MFSD1: variants seen among roughly 807,000 people sequenced by gnomAD.
MFSD1 encodes the protein lysosomal dipeptide transporter MFSD1.
Under a neutral mutation model 67.1 loss-of-function variants are expected in MFSD1, and 59 were observed. The observed-to-expected ratio is 0.88, with a 90% confidence interval of 0.71 to 1.09. MFSD1 has a LOEUF of 1.09. Among genes scored for constraint, MFSD1 ranks in the 50% least tolerant of loss-of-function variants. The pLI is 0.00. For missense variants in MFSD1, 552 were observed against 566.1 expected (o/e 0.97, Z 0.25); for synonymous variants, 213 against 200.3 (o/e 1.06, Z -0.54).
intron 7 of MFSD1, among the ~76,000 whole-genome samples, chr3:158,815,442 C>A (rs570893465): frequency 6.8e-6 from 1 of 148,036 alleles, no homozygotes; most frequent in Non-Finnish European, 1.5e-5. Context: ...GCATTTATTA[C>A]CCTTCCTAAA....
chr3:158,825,649 C>A (rs1730928634), intron 13 of MFSD1, among the ~76,000 whole-genome samples: 1 of 152,156 alleles, frequency 6.6e-6, no homozygotes, highest in Non-Finnish European at 1.5e-5. Context: ...TTGGCTTCCT[C>A]TGAAATGATA....
rs1425172939 is a variant in MFSD1 at position 158,823,464 on chromosome 3, G to A, written c.1114G>A (p.Ala372Thr). Residue 372 changes from alanine (A) to threonine (T), a missense_variant, in exon 12 of 16, where the codon GCA becomes ACA. Physicochemically the swap from Ala to Thr is moderately conservative, Grantham distance 58 (BLOSUM62 0). Coordinates refer to ENST00000415822, the MANE Select transcript of MFSD1 (RefSeq NM_022736.4). The stretch of plus-strand genomic sequence containing the variant: ...ACTCTCCTACTCATTGCTTGCCTGT[G>A]CATTGTGGCCAATGGTGGCATTTGT... Reference protein sequence around the residue: ...LGLSYSLLACALWPMVAFVVP... With the variant: ...LGLSYSLLACTLWPMVAFVVP... The A allele has an allele frequency of 6.2e-7, 1 of 1,613,752 alleles. No individual in the cohort carries two copies. Among genetic ancestry groups the A allele is most frequent in the Non-Finnish European group, 8.5e-7 (1 of 1,179,776 alleles).
In MFSD1 at chr3:158,829,354, G is replaced by GA. The variant is rs112924029; in HGVS notation, c.*381dup. On this transcript the variant is annotated 3_prime_UTR_variant, in exon 16 of 16. Transcript: ENST00000415822. ...CAGCCTTTTCTTTATCTTATAGCAG[G>GA]AAAAAAAAACTTTTGAGGGAAATAG... 3.2e-4 allele frequency: 50 copies of GA among 157,658 alleles called. No individual in the cohort carries two copies. The highest frequency in any genetic ancestry group is 6.5e-4 in the Admixed American group (10 of 15,324). 9.8% of individuals were successfully genotyped at this position (157,658 alleles called of 1,614,324 possible).
chr3:158,814,467 C>T (rs1463681785), intron 7 of MFSD1, among the ~76,000 whole-genome samples: 2 of 151,874 alleles, frequency 1.3e-5, no homozygotes, highest in Admixed American at 6.6e-5. Context: ...ATTACAGGCT[C>T]CTGCCACCAT....
At chr3:158,827,240 A>C (rs1165078066) in intron 14 of MFSD1, 40 bp from the exon 15 acceptor site, 1 of 1,297,284 alleles carries the variant, frequency 7.7e-7, no homozygotes, top group South Asian at 1.4e-5. Flanking sequence ...CTTACTGATA[A>C]TACTTATATG....
At chr3:158,808,307 T>C (rs748742033) in intron 5 of MFSD1, among the ~76,000 whole-genome samples, 4 of 152,176 alleles carry the variant, frequency 2.6e-5, no homozygotes, top group Non-Finnish European at 4.4e-5. Flanking sequence ...GACTGTTTCT[T>C]AGTCCTTAAT....
chr3:158,827,976 G>GAGAGAGACAGAC (rs1553759912), intron 15 of MFSD1, among the ~76,000 whole-genome samples: 15 of 78,892 alleles, frequency 1.9e-4, no homozygotes, highest in East Asian at 4.3e-4. Flanking sequence ...GAGAGAGAGA[G>GAGAGAGACAGAC]AGACAGAGAT....
At chr3:158,802,889 A>G (rs905678622) in intron 1 of MFSD1, among the ~76,000 whole-genome samples, 1 of 152,122 alleles carries the variant, frequency 6.6e-6, no homozygotes, top group African/African-American at 2.4e-5. Context: ...TTATTTTTAG[A>G]CACAGGGTCT....
At chr3:158,809,598 A>G (rs1355478680) in intron 6 of MFSD1, among the ~76,000 whole-genome samples, 1 of 152,172 alleles carries the variant, frequency 6.6e-6, no homozygotes, top group East Asian at 1.9e-4. Context: ...ACCTCTCCAC[A>G]TACGGCTGTC....
At chr3:158,819,220 T>C (rs1390673139) in intron 7 of MFSD1, among the ~76,000 whole-genome samples, 1 of 152,228 alleles carries the variant, frequency 6.6e-6, no homozygotes, top group Non-Finnish European at 1.5e-5. Flanking sequence ...CCGTGGACTC[T>C]GGGAAAACAT....
chr3:158,824,773 A>G (rs1730870384), intron 13 of MFSD1, among the ~76,000 whole-genome samples: 1 of 152,236 alleles, frequency 6.6e-6, no homozygotes, highest in Non-Finnish European at 1.5e-5. Flanking sequence ...TTAACACATC[A>G]AGATGTCTTT....
At position 158,824,008 on chromosome 3, in the gene MFSD1, C is replaced by T. The variant is rs1051600945; in HGVS notation, c.1176-116C>T. On this transcript the variant is annotated intron_variant, in intron 12 of 15. Transcript: ENST00000415822. ...TAATCAAGTCATCCCTGGTGGAAAA[C>T]ATCTCTGAACACAAATAGTATATGG... The T allele has an allele frequency of 2.5e-5, 20 of 786,768 alleles. No homozygotes were observed. In the East Asian group the frequency reaches 4.9e-4, roughly 19 times the overall value. 48.7% of individuals were successfully genotyped at this position (786,768 alleles called of 1,614,324 possible). A position where few individuals can be genotyped will look rare whatever the true frequency, so the allele number is the denominator to read the frequency against.
chr3:158,822,124 A>ACC lies in MFSD1; in HGVS notation c.1063_1064dup (p.Trp356LeufsTer26). On this transcript the variant is annotated frameshift_variant, in exon 11 of 16. Transcript: ENST00000415822. LOFTEE classifies it high-confidence loss of function. ...ATGATGCTGGCCTTTACGATGTGGA[A>ACC]CCCTTGGATTGCTATGGTAACGTCT... is the stretch of plus-strand genomic sequence containing the variant. The ACC allele has an allele frequency of 1.2e-6, 2 of 1,612,248 alleles. No homozygotes were observed. The highest frequency in any genetic ancestry group is 2.2e-5 in the South Asian group (2 of 90,952).
chr3:158,821,909 A>G, intron 10 of MFSD1, 75 bp from the exon 11 acceptor site: 1 of 1,487,554 alleles, frequency 6.7e-7, no homozygotes, highest in Non-Finnish European at 9.3e-7. Flanking sequence ...TTTGCCTGAT[A>G]TTTTCAAGAC....
rs1414133860 is a variant in MFSD1, at chr3:158,802,251, C to T, written c.99C>T (p.Leu33=). ...CCGCCCCTGGAGCCCTGCCGGCCCT[C>T]TGCGACCCCAGTCGCCTGGCGCACC... ...APAAPGALPA[L]CDPSRLAHRL... Residue 33 remains leucine, a synonymous_variant, in exon 1 of 16, where the codon CTC becomes CTT. Transcript: ENST00000415822. The T allele has an allele frequency of 3.1e-6, 5 of 1,611,484 alleles. No homozygotes were observed. The highest frequency in any genetic ancestry group is 4.2e-6 in the Non-Finnish European group (5 of 1,178,840).
intron 7 of MFSD1, among the ~76,000 whole-genome samples, chr3:158,818,207 C>T (rs914728821): frequency 6.6e-6 from 1 of 152,048 alleles, no homozygotes; most frequent in East Asian, 1.9e-4. Flanking sequence ...ATCTTTTATT[C>T]CCTTTTTCCC....
chr3:158,826,933 C>G (rs13318372), intron 14 of MFSD1, among the ~76,000 whole-genome samples: 5 of 152,118 alleles, frequency 3.3e-5, no homozygotes, highest in Non-Finnish European at 1.5e-5. Context: ...CTGGGATTTA[C>G]AGGCGTGAGC....
At position 158,802,251 on chromosome 3, in the gene MFSD1, C is replaced by G; in HGVS notation, c.99C>G (p.Leu33=). ...CCGCCCCTGGAGCCCTGCCGGCCCT[C>G]TGCGACCCCAGTCGCCTGGCGCACC... ...APAAPGALPA[L]CDPSRLAHRL... Residue 33 remains leucine, a synonymous_variant, in exon 1 of 16, where the codon CTC becomes CTG. Transcript: ENST00000415822. The G allele has an allele frequency of 1.9e-6, 3 of 1,611,602 alleles. No individual in the cohort carries two copies. The highest frequency in any genetic ancestry group is 8.5e-7 in the Non-Finnish European group (1 of 1,178,832).
rs755350105 is a variant in MFSD1, at chr3:158,805,458, C to T, written c.313C>T (p.Arg105Ter). Residue 105 changes from arginine (R) to a stop codon, truncating the protein, a stop_gained, in exon 3 of 16, where the codon CGA becomes TGA. Coordinates refer to ENST00000415822, the MANE Select transcript of MFSD1 (RefSeq NM_022736.4). LOFTEE classifies it high-confidence loss of function. ...LCFFGGFLID[R>*]VFGIRWGTII... ...TTTCTTTGGTGGCTTTTTGATAGACCGAGTATTTGGAATACGGTAAGCTTG... is the reference window on the plus strand; with the variant it reads ...TTTCTTTGGTGGCTTTTTGATAGACTGAGTATTTGGAATACGGTAAGCTTG... 9.6e-5 allele frequency: 154 copies of T among 1,611,670 alleles called. No individual in the cohort carries two copies. Among genetic ancestry groups the T allele is most frequent in the Non-Finnish European group, 1.2e-4 (146 of 1,178,060 alleles).
Sources: allele counts gnomAD v4.1 joint callset (sites outside exome capture counted in the v4.1 genomes callset), GRCh38; gene constraint gnomAD v4.1.1; transcripts MANE v1.5; gene names NCBI Gene and HGNC (gene_info 2026-07-23, HGNC 2026-07-21).